RIT2: variants seen among roughly 807,000 people sequenced by gnomAD.
RIT2 encodes GTP-binding protein Rit2.
A neutral mutation model predicts 23.7 loss-of-function variants in RIT2; 24 were observed. The ratio of observed to expected loss-of-function variants is 1.01; its 90% CI spans 0.73 to 1.43. The LOEUF is 1.43. Ranked by LOEUF, RIT2 falls within the 40% of genes most tolerant of loss-of-function variation. The pLI is 0.00. For synonymous variants in RIT2, 107 were observed against 91.1 expected, an observed-to-expected ratio of 1.17 and a Z score of -0.99; for missense variants, 236 against 266.9, an observed-to-expected ratio of 0.88 and a Z score of 0.81.
At chr18:42,954,571 G>C (rs905272092) in intron 3 of RIT2, among the ~76,000 whole-genome samples, 7 of 151,942 alleles carry the variant, frequency 4.6e-5, no homozygotes, top group African/African-American at 1.7e-4. Context: ...AGCCTCACAA[G>C]CTCCATATAA....
At chr18:42,831,572 G>A (rs79123879) in intron 4 of RIT2, among the ~76,000 whole-genome samples, 16,174 of 152,066 alleles carry the variant, frequency 0.11, 960 homozygotes, top group Middle Eastern at 0.24. Context: ...CACGGGGCTT[G>A]TTTGAGGTCT....
At chr18:43,036,619 T>G (rs561911148) in intron 1 of RIT2, among the ~76,000 whole-genome samples, 1 of 152,192 alleles carries the variant, frequency 6.6e-6, no homozygotes, top group Admixed American at 6.5e-5. Flanking sequence ...TGATGGAGTT[T>G]GTGCTTTAAT....
intron 2 of RIT2, among the ~76,000 whole-genome samples, chr18:42,975,126 T>C (rs1910449515): frequency 6.6e-6 from 1 of 152,092 alleles, no homozygotes; most frequent in Non-Finnish European, 1.5e-5. Flanking sequence ...TGGCATCTGC[T>C]ATTTTTTTGA....
At chr18:42,864,377 A>G (rs1907412361) in intron 4 of RIT2, among the ~76,000 whole-genome samples, 1 of 152,232 alleles carries the variant, frequency 6.6e-6, no homozygotes, top group Non-Finnish European at 1.5e-5. Flanking sequence ...ATAGTCATTT[A>G]ATTAGTCAAG....
chr18:42,975,963 G>T lies in RIT2; in HGVS notation c.161-1816C>A, dbSNP rs144054123. Reference sequence around the variant, plus strand: ...CTTTTGCTATATCCCATCAGTTTTAGAATGCTGTGTTTTCATTTTCATGCA... The same window carrying T: ...CTTTTGCTATATCCCATCAGTTTTATAATGCTGTGTTTTCATTTTCATGCA... On this transcript the variant is annotated intron_variant, in intron 2 of 4. Transcript: ENST00000326695. Among the ~76,000 whole-genome samples the T allele has an allele frequency of 5.7e-3, 872 of 152,120 alleles. 25 individuals are homozygous for T. Among genetic ancestry groups the T allele is most frequent in the East Asian group, 0.049 (251 of 5,172 alleles).
chr18:42,885,732 GA>G (rs1277661484), intron 4 of RIT2, among the ~76,000 whole-genome samples: 1 of 152,148 alleles, frequency 6.6e-6, no homozygotes, highest in African/African-American at 2.4e-5. Flanking sequence ...TTTCCATGGA[GA>G]TATTACAAAC....
intron 2 of RIT2, among the ~76,000 whole-genome samples, chr18:42,991,445 G>A (rs1037842510): frequency 1.3e-5 from 2 of 152,150 alleles, no homozygotes; most frequent in African/African-American, 4.8e-5. Context: ...TCCACTGCAG[G>A]TGATGTAAGC....
chr18:42,990,919 T>TTTG (rs1910829935), intron 2 of RIT2, among the ~76,000 whole-genome samples: 2 of 150,608 alleles, frequency 1.3e-5, no homozygotes, highest in South Asian at 2.1e-4. Flanking sequence ...TTTGTTTTTT[T>TTTG]TTTTTTTTTT....
At chr18:42,833,879 G>A (rs751061051) in intron 4 of RIT2, among the ~76,000 whole-genome samples, 24 of 152,046 alleles carry the variant, frequency 1.6e-4, no homozygotes, top group Non-Finnish European at 2.9e-4. Context: ...TTGTTCTCAG[G>A]GTACACTCTT....
rs141973699 is a variant in RIT2, at chr18:42,922,166, A to G, written c.426+1406T>C. ...AAATATCACCACAAAAATGCATTGC[A>G]CTAAATCATAGAAATACGTTCCCGG... On this transcript the variant is annotated intron_variant, in intron 4 of 4. Transcript: ENST00000326695. 5.2e-3 allele frequency among the ~76,000 whole-genome samples: 799 copies of G among 152,292 alleles called. 13 individuals are homozygous for G. The highest frequency in any genetic ancestry group is 0.018 in the African/African-American group (764 of 41,572).
intron 4 of RIT2, among the ~76,000 whole-genome samples, chr18:42,777,495 A>G (rs684010): frequency 0.98 from 149,572 of 152,212 alleles, 73,564 homozygotes; most frequent in Middle Eastern, 1. Flanking sequence ...ATAACCGGGG[A>G]AATGTGGAAT....
intron 2 of RIT2, among the ~76,000 whole-genome samples, chr18:42,983,332 C>G (rs951804319): frequency 3.3e-5 from 5 of 151,836 alleles, no homozygotes; most frequent in African/African-American, 1.2e-4. Flanking sequence ...AATCCTAGAG[C>G]TAATCTCATG....
At chr18:42,862,296 G>A (rs1053035448) in intron 4 of RIT2, among the ~76,000 whole-genome samples, 1 of 152,010 alleles carries the variant, frequency 6.6e-6, no homozygotes. Context: ...CGTGAAGAAG[G>A]TCATTGCCTC....
At chr18:42,895,004 C>T (rs915766399) in intron 4 of RIT2, among the ~76,000 whole-genome samples, 4 of 152,114 alleles carry the variant, frequency 2.6e-5, no homozygotes, top group Non-Finnish European at 1.5e-5. Flanking sequence ...GAAGTGGAAG[C>T]CTCAAGTATC....
intron 2 of RIT2, among the ~76,000 whole-genome samples, chr18:43,027,028 T>C (rs1253418093): frequency 1.3e-5 from 2 of 152,110 alleles, no homozygotes; most frequent in African/African-American, 2.4e-5. Flanking sequence ...TGATATGTTG[T>C]ATGCCAAGTG....
At chr18:42,745,688 G>T (rs1912901362) in intron 4 of RIT2, among the ~76,000 whole-genome samples, 1 of 151,916 alleles carries the variant, frequency 6.6e-6, no homozygotes, top group South Asian at 2.1e-4. Flanking sequence ...ATTCTGACTT[G>T]CCAGCAATTG....
intron 4 of RIT2, among the ~76,000 whole-genome samples, chr18:42,833,885 C>T (rs1897392549): frequency 6.6e-6 from 1 of 152,102 alleles, no homozygotes; most frequent in African/African-American, 2.4e-5. Context: ...TCAGGGTACA[C>T]TCTTCCTGTG....
intron 3 of RIT2, among the ~76,000 whole-genome samples, chr18:42,955,203 T>C (rs1909944599): frequency 6.6e-6 from 1 of 152,184 alleles, no homozygotes; most frequent in Non-Finnish European, 1.5e-5. Flanking sequence ...ATTGAAATTG[T>C]TCAATAATAC....
intron 4 of RIT2, among the ~76,000 whole-genome samples, chr18:42,824,757 ATGTG>A (rs113714294): frequency 8.8e-5 from 13 of 148,528 alleles, no homozygotes; most frequent in Admixed American, 8.1e-4. Flanking sequence ...CTTTGTGTGT[ATGTG>A]TGTGTGTGTG....
Sources: gnomAD v4.1 joint callset for allele counts (sites outside exome capture counted in the v4.1 genomes callset) on GRCh38, gnomAD v4.1.1 for gene constraint, MANE v1.5 for transcripts, NCBI Gene and HGNC (gene_info 2026-07-23, HGNC 2026-07-21) for gene names.